Variants in NRP1 observed in about 807,000 individuals in gnomAD.
NRP1 encodes neuropilin-1.
Under a neutral mutation model 106.7 loss-of-function variants are expected in NRP1, and 35 were observed. The observed-to-expected ratio is 0.33, with a 90% CI of 0.25 to 0.43. The LOEUF (loss-of-function observed/expected upper bound fraction) is 0.43. NRP1 is among the 20% of genes least tolerant of loss of function. NRP1 has a pLI of 1.00. For synonymous variants in NRP1, 437 were observed against 417.9 expected (o/e 1.05, Z -0.56); for missense variants, 1,024 against 1,170.4 (o/e 0.87, Z 1.83).
intron 5 of NRP1, 107 bp downstream of exon 5, chr10:33,256,209 C>G (rs1019012671): frequency 2.8e-6 from 3 of 1,071,940 alleles, no homozygotes; most frequent in African/African-American, 1.6e-5. Flanking sequence ...CAGCTGGCAC[C>G]CCAGTTCACA....
At chr10:33,257,103 A>G (rs1842249169) in intron 4 of NRP1, among the ~76,000 whole-genome samples, 1 of 152,220 alleles carries the variant, frequency 6.6e-6, no homozygotes, top group African/African-American at 2.4e-5. Context: ...GTAACCATGT[A>G]AAAAGTTGGA....
At chr10:33,227,023 C>A (rs1839728722) in intron 6 of NRP1, among the ~76,000 whole-genome samples, 1 of 152,152 alleles carries the variant, frequency 6.6e-6, no homozygotes, top group Admixed American at 6.5e-5. Flanking sequence ...TAAATCTCTT[C>A]AAATATTTTA....
intron 2 of NRP1, among the ~76,000 whole-genome samples, chr10:33,276,346 C>A (rs186825687): frequency 5.3e-4 from 81 of 152,174 alleles, no homozygotes; most frequent in African/African-American, 1.9e-3. Context: ...CCCACTGGAT[C>A]AATGAGATGC....
At chr10:33,308,170 A>G (rs1239076200) in intron 2 of NRP1, among the ~76,000 whole-genome samples, 1 of 152,112 alleles carries the variant, frequency 6.6e-6, no homozygotes, top group Non-Finnish European at 1.5e-5. Context: ...AACATTGAAT[A>G]CATATGGGCG....
At chr10:33,250,468 C>G (rs565925432) in intron 6 of NRP1, among the ~76,000 whole-genome samples, 9 of 152,346 alleles carry the variant, frequency 5.9e-5, no homozygotes, top group East Asian at 5.8e-4. Context: ...GATGGAGCAG[C>G]AAAGTCCCTG....
At chr10:33,197,323 G>A (rs921535932) in intron 12 of NRP1, among the ~76,000 whole-genome samples, 1 of 152,188 alleles carries the variant, frequency 6.6e-6, no homozygotes, top group African/African-American at 2.4e-5. Context: ...GGGCTGTGCT[G>A]CCTGTGAGAT....
In NRP1 at chr10:33,330,656, C is replaced by T. The variant is rs761963856; in HGVS notation, c.248+52G>A. The T allele has an allele frequency of 3.3e-5, 50 of 1,492,904 alleles. 1 individual carries two copies. Among genetic ancestry groups the T allele is most frequent in the Middle Eastern group, 1.8e-4 (1 of 5,562 alleles). The allele number at this position is 1,492,904 out of a possible 1,614,324, so 92.5% of individuals were successfully genotyped here. ...CACCGACTTCCCCCCCGTAGACAGG[C>T]GTGACCACTAGATGGTGCTGTGGTG... On this transcript the variant is annotated intron_variant, in intron 2 of 16. Coordinates refer to ENST00000374867, the MANE Select transcript of NRP1 (RefSeq NM_003873.7).
At chr10:33,308,399 A>AAT (rs1323473312) in intron 2 of NRP1, among the ~76,000 whole-genome samples, 2 of 149,908 alleles carry the variant, frequency 1.3e-5, no homozygotes, top group Admixed American at 6.7e-5. Flanking sequence ...ATATGTATAT[A>AAT]ATATATATAT....
chr10:33,323,851 C>A (rs138917158), intron 2 of NRP1, among the ~76,000 whole-genome samples: 3 of 152,254 alleles, frequency 2.0e-5, no homozygotes, highest in African/African-American at 7.2e-5. Flanking sequence ...TGTCAGCAGG[C>A]ATGCAAGTAT....
At chr10:33,236,397 A>G (rs891725864) in intron 6 of NRP1, among the ~76,000 whole-genome samples, 5 of 152,260 alleles carry the variant, frequency 3.3e-5, no homozygotes, top group African/African-American at 1.2e-4. Context: ...GCAAGCACGT[A>G]CTACATAGAG....
chr10:33,194,596 C>T (rs1221497921), intron 12 of NRP1: 1 of 409,086 alleles, frequency 2.4e-6, no homozygotes, highest in Admixed American at 2.8e-5. Context: ...AATGTCCTTC[C>T]CCATCCTGTA....
At chr10:33,234,807 A>G (rs755105254) in intron 6 of NRP1, among the ~76,000 whole-genome samples, 33 of 152,248 alleles carry the variant, frequency 2.2e-4, no homozygotes, top group Non-Finnish European at 4.0e-4. Context: ...ACCTTTGCTC[A>G]TAGTAAAACA....
At chr10:33,306,197 C>A (rs1256839099) in intron 2 of NRP1, among the ~76,000 whole-genome samples, 1 of 152,180 alleles carries the variant, frequency 6.6e-6, no homozygotes, top group Non-Finnish European at 1.5e-5. Context: ...GGCTAGCCTG[C>A]AAAAACACTT....
chr10:33,236,994 T>G (rs912972160), intron 6 of NRP1, among the ~76,000 whole-genome samples: 4 of 151,834 alleles, frequency 2.6e-5, no homozygotes, highest in African/African-American at 9.7e-5. Flanking sequence ...TTTTTCACAC[T>G]CCTGGTCTTT....
Position 33,226,120 on chromosome 10 carries a change from G to A in NRP1, c.1137+14C>T, listed in dbSNP as rs1179222591. Reference sequence around the variant, plus strand: ...AAAGACCAAATTGGTTGCCACGGTGGCAGCCTAACTTACAACAGGTTTGTT... The same window carrying A: ...AAAGACCAAATTGGTTGCCACGGTGACAGCCTAACTTACAACAGGTTTGTT... On this transcript the variant is annotated intron_variant, in intron 7 of 16. Coordinates refer to ENST00000374867, the MANE Select transcript of NRP1 (RefSeq NM_003873.7). 6.2e-7 allele frequency: 1 copy of A among 1,612,776 alleles called. No homozygotes were observed. The highest frequency in any genetic ancestry group is 8.5e-7 in the Non-Finnish European group (1 of 1,179,064).
At chr10:33,287,728 T>C (rs1327790356) in intron 2 of NRP1, among the ~76,000 whole-genome samples, 1 of 152,100 alleles carries the variant, frequency 6.6e-6, no homozygotes, top group Non-Finnish European at 1.5e-5. Flanking sequence ...CCCATAGAGG[T>C]GTCTGGAGTG....
intron 2 of NRP1, among the ~76,000 whole-genome samples, chr10:33,319,068 G>A (rs1175610047): frequency 3.5e-5 from 5 of 141,926 alleles, no homozygotes; most frequent in African/African-American, 7.8e-5. Flanking sequence ...GCAGTGGCAC[G>A]ATATCAGCTC....
At chr10:33,323,226 A>C (rs1847645432) in intron 2 of NRP1, among the ~76,000 whole-genome samples, 1 of 117,402 alleles carries the variant, frequency 8.5e-6, no homozygotes, top group Non-Finnish European at 2.0e-5. Flanking sequence ...TAAATAAATA[A>C]ATAAATATGT....
chr10:33,323,241 C>A (rs1160587495), intron 2 of NRP1, among the ~76,000 whole-genome samples: 15 of 150,502 alleles, frequency 1.0e-4, no homozygotes, highest in African/African-American at 2.9e-4. Context: ...ATATGTTTTT[C>A]AAAAAAAAAC....
Sources: gnomAD v4.1 joint callset for allele counts (sites outside exome capture counted in the v4.1 genomes callset) on GRCh38, gnomAD v4.1.1 for gene constraint, MANE v1.5 for transcripts, NCBI Gene and HGNC (gene_info 2026-07-23, HGNC 2026-07-21) for gene names.